ANKRD42: variants seen among roughly 807,000 people sequenced by gnomAD.
ANKRD42 encodes the protein ankyrin repeat domain 42, also known as ankyrin repeat domain-containing protein 42.
A neutral mutation model predicts 51.5 loss-of-function variants in ANKRD42; 43 were observed. That is an observed-to-expected ratio of 0.83 (90% CI 0.65 to 1.08). ANKRD42 has a LOEUF of 1.08. ANKRD42 is among the 50% of genes least tolerant of loss of function. The probability of loss-of-function intolerance (pLI) is 0.00; values close to 1 mark genes in which losing one functional copy is unlikely to be tolerated. For missense variants in ANKRD42, 608 were observed against 629.3 expected, an observed-to-expected ratio of 0.97 and a Z score of 0.36; for synonymous variants, 203 against 213.0, an observed-to-expected ratio of 0.95 and a Z score of 0.41.
chr11:83,230,713 A>C (rs1165942643), intron 7 of ANKRD42, among the ~76,000 whole-genome samples: 1 of 152,000 alleles, frequency 6.6e-6, no homozygotes, highest in Non-Finnish European at 1.5e-5. Context: ...CAGCCTCCCG[A>C]GTAGCTGGGA....
downstream of ANKRD42, chr11:83,260,842 G>T (rs145299725): frequency 6.6e-6 from 1 of 151,804 alleles, no homozygotes; most frequent in East Asian, 1.9e-4. Context: ...AACAAAATAC[G>T]AATTTAAATT....
intron 3 of ANKRD42, chr11:83,209,872 A>G: frequency 2.1e-6 from 1 of 470,234 alleles, no homozygotes; most frequent in Non-Finnish European, 3.9e-6. Flanking sequence ...ATATGACCCC[A>G]GAAGCCACGA....
At chr11:83,218,250 A>G (rs1472933820) in intron 5 of ANKRD42, among the ~76,000 whole-genome samples, 1 of 152,178 alleles carries the variant, frequency 6.6e-6, no homozygotes, top group Non-Finnish European at 1.5e-5. Context: ...AAATTAGCAA[A>G]TGCCTGTGGC....
intron 7 of ANKRD42, among the ~76,000 whole-genome samples, chr11:83,234,763 C>T (rs1485843068): frequency 1.3e-5 from 2 of 152,076 alleles, no homozygotes; most frequent in Non-Finnish European, 2.9e-5. Context: ...TAATAGAGGT[C>T]TGAGAAATCC....
downstream of ANKRD42, among the ~76,000 whole-genome samples, chr11:83,256,889 G>A (rs1863783908): frequency 6.6e-6 from 1 of 152,076 alleles, no homozygotes; most frequent in African/African-American, 2.4e-5. Flanking sequence ...CTGCATTGTT[G>A]TGTAATCCTA....
chr11:83,218,975 C>G (rs1862628668), intron 5 of ANKRD42, among the ~76,000 whole-genome samples: 1 of 152,150 alleles, frequency 6.6e-6, no homozygotes, highest in Non-Finnish European at 1.5e-5. Flanking sequence ...AATACTGTGG[C>G]CAGGCAGTGG....
chr11:83,200,448 C>G (rs1294304617), intron 2 of ANKRD42, among the ~76,000 whole-genome samples: 1 of 151,922 alleles, frequency 6.6e-6, no homozygotes, highest in Non-Finnish European at 1.5e-5. Context: ...TAGTCTAACA[C>G]TAAAACTGTT....
intron 10 of ANKRD42, among the ~76,000 whole-genome samples, chr11:83,246,922 C>T (rs1863558104): frequency 1.3e-5 from 2 of 152,138 alleles, no homozygotes; most frequent in African/African-American, 4.8e-5. Flanking sequence ...GGCCAAAATA[C>T]TCTTTTTTCT....
chr11:83,249,952 T>A (rs1863645505), downstream of ANKRD42, among the ~76,000 whole-genome samples: 1 of 152,232 alleles, frequency 6.6e-6, no homozygotes, highest in Non-Finnish European at 1.5e-5. Flanking sequence ...GTATTCACTA[T>A]ATAGTAGTAG....
chr11:83,194,982 G>T (rs1229768907), intron 1 of ANKRD42, among the ~76,000 whole-genome samples: 1 of 152,102 alleles, frequency 6.6e-6, no homozygotes, highest in African/African-American at 2.4e-5. Flanking sequence ...CTCTTGTTCA[G>T]TCTTAATGGA....
rs1373201991 is a variant in ANKRD42, at chr11:83,210,378, G to A, written c.409G>A (p.Gly137Arg). 8 of 1,614,008 alleles carry A rather than the reference G, an allele frequency of 5.0e-6. No individual in the cohort carries two copies. Among genetic ancestry groups the A allele is most frequent in the Admixed American group, 3.3e-5 (2 of 60,016 alleles). Residue 137 changes from glycine (G) to arginine (R), a missense_variant, in exon 4 of 11, where the codon GGA becomes AGA. Physicochemically the swap from Gly to Arg is moderately radical, Grantham distance 125. Coordinates refer to ENST00000533342, the MANE Select transcript of ANKRD42 (RefSeq NM_001300975.2). ...CTPLHLAATH[G>R]HSFTLQIMLR... ...TCCTTTACATCTTGCTGCAACTCATGGACATTCTTTCACTTTACAAATAAT... is the reference window on the plus strand; with the variant it reads ...TCCTTTACATCTTGCTGCAACTCATAGACATTCTTTCACTTTACAAATAAT...
chr11:83,255,353 C>A (rs1591017205), intron 11 of ANKRD42, among the ~76,000 whole-genome samples: 1 of 152,056 alleles, frequency 6.6e-6, no homozygotes, highest in East Asian at 1.9e-4. Flanking sequence ...GGAGACCAGG[C>A]AAAGTGCAAA....
intron 5 of ANKRD42, among the ~76,000 whole-genome samples, chr11:83,219,567 A>C (rs1409291908): frequency 6.6e-6 from 1 of 152,230 alleles, no homozygotes; most frequent in Non-Finnish European, 1.5e-5. Flanking sequence ...CCCACTTGCC[A>C]TCAAAGGAGT....
rs76295365 is a variant in ANKRD42, at chr11:83,229,445, C to T, written c.913+1573C>T. Among the ~76,000 whole-genome samples the T allele has an allele frequency of 1.0e-3, 156 of 152,032 alleles. 1 individual carries two copies. The highest frequency in any genetic ancestry group is 7.2e-3 in the Admixed American group (110 of 15,276). On this transcript the variant is annotated intron_variant, in intron 7 of 10. Transcript: ENST00000533342. ...CTACATATGTTTTTTATTGCTAATGCGCGTGTGTGGGGGTGTCATTTAGAC... is the reference window on the plus strand; with the variant it reads ...CTACATATGTTTTTTATTGCTAATGTGCGTGTGTGGGGGTGTCATTTAGAC...
chr11:83,260,842 G>A (rs145299725), downstream of ANKRD42: 6 of 151,922 alleles, frequency 3.9e-5, no homozygotes, highest in African/African-American at 1.2e-4. Context: ...AACAAAATAC[G>A]AATTTAAATT....
At chr11:83,214,385 T>A in intron 5 of ANKRD42, 2 of 974,920 alleles carry the variant, frequency 2.1e-6, no homozygotes, top group Non-Finnish European at 2.4e-6. Context: ...AGGGGTCAGT[T>A]TTATTTTTGT....
At chr11:83,216,620 G>A (rs929543161) in intron 5 of ANKRD42, among the ~76,000 whole-genome samples, 4 of 152,132 alleles carry the variant, frequency 2.6e-5, no homozygotes, top group African/African-American at 4.8e-5. Flanking sequence ...CACCGCGCCC[G>A]GCCCCTTTAC....
intron 5 of ANKRD42, among the ~76,000 whole-genome samples, chr11:83,217,914 C>CT (rs552623745): frequency 8.6e-4 from 131 of 152,318 alleles, no homozygotes; most frequent in South Asian, 7.7e-3. Flanking sequence ...TCTTATCTTG[C>CT]TTTTCCCTTT....
intron 5 of ANKRD42, among the ~76,000 whole-genome samples, chr11:83,217,176 G>A (rs1407433922): frequency 6.6e-6 from 1 of 152,104 alleles, no homozygotes; most frequent in Admixed American, 6.5e-5. Context: ...GCTGTCACAG[G>A]GCCTAGAAAG....
Sources: gnomAD v4.1 joint callset for allele counts (sites outside exome capture counted in the v4.1 genomes callset) on GRCh38, gnomAD v4.1.1 for gene constraint, MANE v1.5 for transcripts, NCBI Gene and HGNC (gene_info 2026-07-23, HGNC 2026-07-21) for gene names.